The following ABR variants were observed in gnomAD, a reference collection of about 807,000 sequenced individuals.
ABR encodes active breakpoint cluster region-related protein.
A neutral mutation model predicts 107.2 loss-of-function variants in ABR; 35 were observed. The ratio of observed to expected loss-of-function variants is 0.33; its 90% CI spans 0.25 to 0.43. The LOEUF (loss-of-function observed/expected upper bound fraction) is 0.43. ABR is among the 20% of genes least tolerant of loss of function. The pLI is 1.00. For missense variants in ABR, 815 were observed against 1,115.2 expected (o/e 0.73, Z 3.83); for synonymous variants, 498 against 462.0 (o/e 1.08, Z -1.00).
At chr17:1,091,883 CG>C (rs1567738358) in intron 3 of ABR, 33 bp from the exon 4 acceptor site, 4 of 1,589,638 alleles carry the variant, frequency 2.5e-6, no homozygotes, top group Non-Finnish European at 1.7e-6. Context: ...GAGCAGAGGT[CG>C]GGGGTAAACA....
At chr17:1,041,765 G>A (rs1391709056) in intron 16 of ABR, among the ~76,000 whole-genome samples, 1 of 152,096 alleles carries the variant, frequency 6.6e-6, no homozygotes, top group African/African-American at 2.4e-5. Flanking sequence ...AATAAAAGAA[G>A]AAACTGAGAT....
chr17:1,180,608 A>G (rs1338757329), upstream of ABR, among the ~76,000 whole-genome samples: 2 of 152,102 alleles, frequency 1.3e-5, no homozygotes, highest in African/African-American at 2.4e-5. Context: ...AGCCAGGAGA[A>G]GCCCCAAGGG....
intron 1 of ABR, among the ~76,000 whole-genome samples, chr17:1,216,358 G>T (rs748650172): frequency 6.6e-6 from 1 of 152,172 alleles, no homozygotes. Context: ...GAGTCACGCA[G>T]GAGTGAGTAG....
At chr17:1,103,555 G>T (rs1485833528) in intron 2 of ABR, among the ~76,000 whole-genome samples, 1 of 152,178 alleles carries the variant, frequency 6.6e-6, no homozygotes, top group African/African-American at 2.4e-5. Context: ...CCACAAACAA[G>T]CTTCATCCCC....
At chr17:1,198,802 A>ATT (rs538633476) in intron 1 of ABR, among the ~76,000 whole-genome samples, 46,656 of 115,908 alleles carry the variant, frequency 0.4, 8,994 homozygotes, top group Non-Finnish European at 0.5. Flanking sequence ...CACCTGGCAA[A>ATT]TTTTTTTTTT....
At chr17:1,117,059 C>T (rs1258255587) in intron 2 of ABR, among the ~76,000 whole-genome samples, 1 of 152,162 alleles carries the variant, frequency 6.6e-6, no homozygotes, top group African/African-American at 2.4e-5. Flanking sequence ...TCTGAAGAGA[C>T]CAAGAAAGGG....
At chr17:1,172,111 A>T (rs769433473) in intron 1 of ABR, among the ~76,000 whole-genome samples, 21 of 152,208 alleles carry the variant, frequency 1.4e-4, no homozygotes, top group Non-Finnish European at 2.9e-4. Flanking sequence ...CAGGAGGAGG[A>T]CACAGGATAA....
chr17:1,010,612 T>A lies in ABR; in HGVS notation c.2236+117A>T. 1 of 1,432,538 alleles carries A rather than the reference T, an allele frequency of 7.0e-7. No homozygotes were observed. Among genetic ancestry groups the A allele is most frequent in the Non-Finnish European group, 9.5e-7 (1 of 1,056,750 alleles). 88.7% of individuals were successfully genotyped at this position (1,432,538 alleles called of 1,614,324 possible). A position where few individuals can be genotyped will look rare whatever the true frequency, so the allele number is the denominator to read the frequency against. On this transcript the variant is annotated intron_variant, in intron 20 of 22. Transcript: ENST00000302538. The surrounding 1 kb of genome is among the most constrained non-coding windows in gnomAD (Gnocchi z 4.1). ...CCCTCAGCCACAGGCCCCAGTGCAC[T>A]GGGAAGGTCAGCCAGCAAAGGAAGC...
rs76169500 is a variant in ABR, at chr17:1,071,241, G to A, written c.895-1151C>T. 8.9e-3 allele frequency among the ~76,000 whole-genome samples: 1,353 copies of A among 152,238 alleles called. 25 individuals are homozygous for A. Among genetic ancestry groups the A allele is most frequent in the African/African-American group, 0.031 (1,294 of 41,530 alleles). ...CAGATATCCCCAGAGTAAAACAGAC[G>A]ACGGGATCCCCAGACGCTGCACATC... On this transcript the variant is annotated intron_variant, in intron 8 of 22. Transcript: ENST00000302538. The surrounding 1 kb of genome is among the most constrained non-coding windows in gnomAD (Gnocchi z 5.1).
At chr17:1,203,691 G>A (rs2042731747) in intron 1 of ABR, among the ~76,000 whole-genome samples, 1 of 152,168 alleles carries the variant, frequency 6.6e-6, no homozygotes. Context: ...TGATGCAGAC[G>A]CCTTCAGGGC....
At chr17:1,057,933 G>A (rs1297209445) in intron 12 of ABR, 37 bp downstream of exon 12, 1 of 1,574,028 alleles carries the variant, frequency 6.4e-7, no homozygotes, top group East Asian at 2.2e-5. Context: ...CAATGCCACG[G>A]ACATCATTGG....
At chr17:1,045,689 C>T (rs1439241926) in intron 16 of ABR, among the ~76,000 whole-genome samples, 1 of 152,216 alleles carries the variant, frequency 6.6e-6, no homozygotes, top group Non-Finnish European at 1.5e-5. Flanking sequence ...CCGTGCTGGG[C>T]TCGTCCTGGG....
At chr17:1,108,072 G>A (rs1011197843) in intron 2 of ABR, among the ~76,000 whole-genome samples, 5 of 152,252 alleles carry the variant, frequency 3.3e-5, no homozygotes, top group African/African-American at 1.2e-4. Context: ...CGGTTAGGCA[G>A]CCTCGCCTAG....
chr17:1,173,311 C>CTCAGT (rs2041810637), intron 1 of ABR, among the ~76,000 whole-genome samples: 1 of 25,696 alleles, frequency 3.9e-5, no homozygotes, highest in African/African-American at 1.7e-4. Flanking sequence ...AGTCCACCCC[C>CTCAGT]CCCATCACCT....
At chr17:1,129,247 A>G (rs1425959382) in intron 1 of ABR, among the ~76,000 whole-genome samples, 2 of 152,194 alleles carry the variant, frequency 1.3e-5, no homozygotes, top group Admixed American at 1.3e-4. Context: ...CTTAAAACCT[A>G]GATGACAGGG....
At chr17:1,183,680 G>A (rs573424151), upstream of ABR, among the ~76,000 whole-genome samples, 16 of 152,182 alleles carry the variant, frequency 1.1e-4, no homozygotes, top group South Asian at 2.5e-3. Flanking sequence ...CACTGCACAC[G>A]ACAGGAAGGC....
upstream of ABR, among the ~76,000 whole-genome samples, chr17:1,192,226 C>T (rs1402617077): frequency 1.3e-5 from 2 of 152,104 alleles, no homozygotes; most frequent in African/African-American, 2.4e-5. Flanking sequence ...ATCCTCCTGC[C>T]TCATCCTCCC....
chr17:1,091,227 G>A (rs1473225387), intron 4 of ABR, among the ~76,000 whole-genome samples: 3 of 152,176 alleles, frequency 2.0e-5, no homozygotes, highest in Non-Finnish European at 4.4e-5. Flanking sequence ...TGAGGGACAG[G>A]AGACTGAAGC....
chr17:1,101,836 C>G (rs1293705930), intron 2 of ABR, among the ~76,000 whole-genome samples: 1 of 151,724 alleles, frequency 6.6e-6, no homozygotes, highest in Admixed American at 6.6e-5. Context: ...CGGGTTCACG[C>G]CATTCTCCTG....
Sources: gnomAD v4.1 joint callset for allele counts (sites outside exome capture counted in the v4.1 genomes callset) on GRCh38, gnomAD v4.1.1 for gene constraint, Gnocchi (gnomAD v3.1) non-coding constraint, MANE v1.5 for transcripts, NCBI Gene and HGNC (gene_info 2026-07-23, HGNC 2026-07-21) for gene names.